Variants in CATSPERE observed in about 807,000 individuals in gnomAD.
The protein encoded by CATSPERE is cation channel sperm-associated auxiliary subunit epsilon.
Under a neutral mutation model 114.1 loss-of-function variants are expected in CATSPERE, and 93 were observed. That is an observed-to-expected ratio of 0.81 (90% CI 0.69 to 0.97). CATSPERE has a LOEUF of 0.97. Ranked by LOEUF, CATSPERE falls within the 50% of genes least tolerant of loss-of-function variation. The pLI, the probability that CATSPERE is intolerant of heterozygous loss-of-function variation, is 0.00. For missense variants in CATSPERE, 1,058 were observed against 1,131.6 expected (o/e 0.93, Z 0.93); for synonymous variants, 341 against 384.1 (o/e 0.89, Z 1.31).
intron 17 of CATSPERE, among the ~76,000 whole-genome samples, chr1:244,603,658 T>G (rs1669577597): frequency 8.1e-6 from 1 of 123,550 alleles, no homozygotes; most frequent in African/African-American, 2.7e-5. Flanking sequence ...TCAGTTCAAT[T>G]AAGATTTTTT....
intron 13 of CATSPERE, among the ~76,000 whole-genome samples, chr1:244,584,268 C>A (rs4553171): frequency 1.3e-5 from 2 of 151,928 alleles, no homozygotes; most frequent in African/African-American, 4.8e-5. Context: ...GACAGGGTAC[C>A]TTCCCTAGAG....
At chr1:244,601,496 C>G (rs968106556) in intron 17 of CATSPERE, among the ~76,000 whole-genome samples, 1 of 152,160 alleles carries the variant, frequency 6.6e-6, no homozygotes, top group Non-Finnish European at 1.5e-5. Context: ...AAATCACATA[C>G]GCTGTCATAT....
At chr1:244,623,984 C>T (rs1008914544) in intron 20 of CATSPERE, among the ~76,000 whole-genome samples, 5 of 151,922 alleles carry the variant, frequency 3.3e-5, no homozygotes, top group African/African-American at 4.8e-5. Context: ...TTTTTTGAGA[C>T]GGAGTCTCAC....
At chr1:244,469,213 A>G (rs1334590209) in intron 2 of CATSPERE, among the ~76,000 whole-genome samples, 6 of 152,160 alleles carry the variant, frequency 3.9e-5, no homozygotes. Flanking sequence ...TGAAACTTTT[A>G]TTAGTAAAAC....
At position 244,518,663 on chromosome 1, in the gene CATSPERE, A is replaced by AAAAGTTTATTCTTC; in HGVS notation, c.505_518dup (p.Asn173LysfsTer9). 2 of 1,577,720 alleles carry AAAAGTTTATTCTTC rather than the reference A, an allele frequency of 1.3e-6. No individual in the cohort carries two copies. The highest frequency in any genetic ancestry group is 8.6e-7 in the Non-Finnish European group (1 of 1,160,416). On this transcript the variant is annotated frameshift_variant, in exon 8 of 22. Transcript: ENST00000366534. LOFTEE classifies it high-confidence loss of function. Reference sequence around the variant, plus strand: ...CTGTCATACATACAGTTCTGAAGAGAAAAGTTTATTCTTCAAATGAGAAAA... The same window carrying AAAAGTTTATTCTTC: ...CTGTCATACATACAGTTCTGAAGAGAAAAGTTTATTCTTCAAAGTTTATTCTTCAAATGAGAAAA...
chr1:244,519,729 A>G (rs955258684), intron 8 of CATSPERE, among the ~76,000 whole-genome samples: 2 of 152,246 alleles, frequency 1.3e-5, no homozygotes, highest in African/African-American at 4.8e-5. Flanking sequence ...CAGGTTAGAA[A>G]ATGAATGAAT....
intron 20 of CATSPERE, among the ~76,000 whole-genome samples, chr1:244,619,804 A>T (rs1344049307): frequency 6.6e-6 from 1 of 152,216 alleles, no homozygotes; most frequent in East Asian, 1.9e-4. Context: ...TTTTATAGTG[A>T]TATGAGGTAT....
At chr1:244,501,619 ATAAAT>A (rs1674046157) in intron 7 of CATSPERE, among the ~76,000 whole-genome samples, 1 of 152,250 alleles carries the variant, frequency 6.6e-6, no homozygotes, top group Non-Finnish European at 1.5e-5. Context: ...AGGGAATAAA[ATAAAT>A]TAATGGTAAT....
Position 244,599,256 on chromosome 1 carries a change from C to T in CATSPERE, c.2303+5678C>T, listed in dbSNP as rs532150474. On this transcript the variant is annotated intron_variant, in intron 17 of 21. Coordinates refer to ENST00000366534, the MANE Select transcript of CATSPERE (RefSeq NM_001130957.2). ...ACTGAGATGCTAAATACATATATCA[C>T]TTTTGCACTTAGATGTCAATAGATA... Among the ~76,000 whole-genome samples, 9 of 152,290 alleles carry T rather than the reference C, an allele frequency of 5.9e-5. No individual in the cohort carries two copies. In the South Asian group the frequency reaches 1.0e-3, roughly 18 times the overall value.
chr1:244,552,064 CAAAAAA>C (rs33962480), intron 8 of CATSPERE, among the ~76,000 whole-genome samples: 4 of 61,354 alleles, frequency 6.5e-5, no homozygotes, highest in Non-Finnish European at 8.4e-5. Context: ...ACTCTGTCTC[CAAAAAA>C]AAAAAAAAAA....
chr1:244,629,472 C>T (rs926915432), intron 20 of CATSPERE, among the ~76,000 whole-genome samples: 1 of 151,762 alleles, frequency 6.6e-6, no homozygotes, highest in Non-Finnish European at 1.5e-5. Flanking sequence ...ATATCATGTA[C>T]CCCACAACTC....
At chr1:244,639,041 A>T (rs1329359291) in intron 21 of CATSPERE, among the ~76,000 whole-genome samples, 1 of 152,088 alleles carries the variant, frequency 6.6e-6, no homozygotes, top group Non-Finnish European at 1.5e-5. Context: ...TTAGGCTAAA[A>T]CCCACTCTCT....
At chr1:244,495,012 A>G (rs1558369995) in intron 6 of CATSPERE, among the ~76,000 whole-genome samples, 1 of 152,226 alleles carries the variant, frequency 6.6e-6, no homozygotes, top group East Asian at 1.9e-4. Context: ...TAGAATATAT[A>G]TTACAGACTC....
At chr1:244,565,086 C>T (rs2148547521) in intron 10 of CATSPERE, among the ~76,000 whole-genome samples, 1 of 152,308 alleles carries the variant, frequency 6.6e-6, no homozygotes, top group African/African-American at 2.4e-5. Flanking sequence ...CCTTGCATCC[C>T]AGAGATGAAG....
chr1:244,505,213 A>G (rs1674642178), intron 7 of CATSPERE, among the ~76,000 whole-genome samples: 1 of 152,132 alleles, frequency 6.6e-6, no homozygotes. Context: ...AGATGCTCCA[A>G]GCTAATCCGG....
At chr1:244,631,471 TA>T (rs1673935755) in intron 20 of CATSPERE, among the ~76,000 whole-genome samples, 1 of 152,136 alleles carries the variant, frequency 6.6e-6, no homozygotes, top group Non-Finnish European at 1.5e-5. Context: ...TCATTAAAAT[TA>T]AAAACTTCTG....
At chr1:244,627,174 A>T (rs1673305300) in intron 20 of CATSPERE, among the ~76,000 whole-genome samples, 2 of 152,216 alleles carry the variant, frequency 1.3e-5, no homozygotes, top group Admixed American at 6.5e-5. Flanking sequence ...GATGGGGGTC[A>T]GTGATCAGTC....
upstream of CATSPERE, chr1:244,452,078 G>T (rs995910307): frequency 9.3e-6 from 3 of 323,228 alleles, no homozygotes; most frequent in South Asian, 1.4e-4. Context: ...TGGCGGCAAC[G>T]GCCGCCACCC....
chr1:244,635,438 A>T, intron 20 of CATSPERE, 51 bp from the exon 21 acceptor site: 1 of 1,373,748 alleles, frequency 7.3e-7, no homozygotes. Flanking sequence ...AGAGCGTTTT[A>T]AAATATATTG....
Sources: gnomAD v4.1 joint callset for allele counts (sites outside exome capture counted in the v4.1 genomes callset) on GRCh38, gnomAD v4.1.1 for gene constraint, MANE v1.5 for transcripts, NCBI Gene and HGNC (gene_info 2026-07-23, HGNC 2026-07-21) for gene names.